Variants in FGD4 observed in about 807,000 individuals in gnomAD.
FGD4 encodes FYVE, RhoGEF and PH domain-containing protein 4.
Under a neutral mutation model 102.0 loss-of-function variants are expected in FGD4, and 42 were observed. The ratio of observed to expected loss-of-function variants is 0.41; its 90% CI spans 0.32 to 0.53. The LOEUF (loss-of-function observed/expected upper bound fraction) is 0.53, where lower values mean the gene tolerates loss of function less well. Ranked by LOEUF, FGD4 falls within the 20% of genes least tolerant of loss-of-function variation. The probability of loss-of-function intolerance (pLI) is 0.21; values close to 1 mark genes in which losing one functional copy is unlikely to be tolerated. For synonymous variants in FGD4, 380 were observed against 375.7 expected (o/e 1.01, Z -0.13); for missense variants, 902 against 1,078.2 (o/e 0.84, Z 2.29).
intron 1 of FGD4, among the ~76,000 whole-genome samples, chr12:32,410,612 C>G (rs1358179875): frequency 6.6e-6 from 1 of 152,190 alleles, no homozygotes; most frequent in East Asian, 1.9e-4. Flanking sequence ...CCACAGTCAA[C>G]TTTGTATTAT....
chr12:32,453,089 A>G (rs1384104001), intron 1 of FGD4, among the ~76,000 whole-genome samples: 3 of 150,826 alleles, frequency 2.0e-5, no homozygotes, highest in Non-Finnish European at 4.4e-5. Flanking sequence ...CCATTTACCC[A>G]TCATCCAGCT....
chr12:32,486,971 T>C (rs1359002576), intron 1 of FGD4, among the ~76,000 whole-genome samples: 1 of 152,168 alleles, frequency 6.6e-6, no homozygotes, highest in African/African-American at 2.4e-5. Context: ...GGCTATACTG[T>C]TTATGGATTT....
intron 4 of FGD4, among the ~76,000 whole-genome samples, chr12:32,593,089 C>G (rs1947611248): frequency 6.6e-6 from 1 of 152,074 alleles, no homozygotes; most frequent in African/African-American, 2.4e-5. Context: ...ACTCTGTGAC[C>G]TTGGGTAAGT....
intron 1 of FGD4, among the ~76,000 whole-genome samples, chr12:32,494,299 C>G (rs1937652784): frequency 6.6e-6 from 1 of 152,158 alleles, no homozygotes; most frequent in Admixed American, 6.5e-5. Flanking sequence ...TTTCTCCCTC[C>G]TTGGCCTCCC....
chr12:32,476,616 G>C (rs909236480), intron 1 of FGD4, among the ~76,000 whole-genome samples: 1 of 152,170 alleles, frequency 6.6e-6, no homozygotes, highest in Non-Finnish European at 1.5e-5. Flanking sequence ...CTCTAGCTAG[G>C]TGCAGGGCTA....
intron 1 of FGD4, among the ~76,000 whole-genome samples, chr12:32,455,035 A>G (rs1942912324): frequency 6.6e-6 from 1 of 152,208 alleles, no homozygotes; most frequent in Non-Finnish European, 1.5e-5. Flanking sequence ...ATGTGAATGC[A>G]TTGAGACTTG....
intron 15 of FGD4, among the ~76,000 whole-genome samples, chr12:32,636,877 T>TC (rs1950857327): frequency 1.3e-5 from 2 of 150,066 alleles, no homozygotes; most frequent in East Asian, 3.9e-4. Context: ...TTTTTTCTTT[T>TC]TTTTTTTTTT....
At chr12:32,639,761 G>A (rs1460804010) in intron 16 of FGD4, among the ~76,000 whole-genome samples, 1 of 152,124 alleles carries the variant, frequency 6.6e-6, no homozygotes, top group African/African-American at 2.4e-5. Context: ...TATACCTGTT[G>A]TATTTCAGTC....
intron 4 of FGD4, among the ~76,000 whole-genome samples, chr12:32,597,204 A>G (rs1947980292): frequency 6.6e-6 from 1 of 152,234 alleles, no homozygotes; most frequent in Non-Finnish European, 1.5e-5. Context: ...ACAGCAATAC[A>G]GAAGGTAAAT....
chr12:32,480,616 T>C (rs1943722076), intron 1 of FGD4, among the ~76,000 whole-genome samples: 1 of 151,846 alleles, frequency 6.6e-6, no homozygotes, highest in Non-Finnish European at 1.5e-5. Flanking sequence ...TTCTCCTGCC[T>C]CAGCCTTCCG....
chr12:32,504,808 C>T (rs1041291901), intron 1 of FGD4, among the ~76,000 whole-genome samples: 1 of 152,226 alleles, frequency 6.6e-6, no homozygotes, highest in Non-Finnish European at 1.5e-5. Flanking sequence ...AGCATTAGTT[C>T]AGCATACGCA....
chr12:32,640,757 T>G lies in FGD4; in HGVS notation c.*224T>G. ...ATAATGTGAAAACTGGAGCATTTTT[T>G]GAGCTATTCCTTGAATATGTGCTTT... On this transcript the variant is annotated 3_prime_UTR_variant, in exon 17 of 17. Coordinates refer to ENST00000534526, the MANE Select transcript of FGD4 (RefSeq NM_001370298.3). 1.5e-6 allele frequency: 1 copy of G among 652,164 alleles called. No homozygotes were observed. The allele number at this position is 652,164 out of a possible 1,614,324, so 40.4% of individuals were successfully genotyped here. A position where few individuals can be genotyped will look rare whatever the true frequency, so the allele number is the denominator to read the frequency against.
intron 10 of FGD4, 57 bp downstream of exon 10, chr12:32,611,340 G>T: frequency 6.2e-7 from 1 of 1,600,376 alleles, no homozygotes; most frequent in South Asian, 1.1e-5. Context: ...ATATGGCTGG[G>T]CACGGTGGCT....
At chr12:32,536,649 T>C (rs1478280204) in intron 1 of FGD4, among the ~76,000 whole-genome samples, 1 of 152,188 alleles carries the variant, frequency 6.6e-6, no homozygotes, top group Non-Finnish European at 1.5e-5. Context: ...CCCTGGCGAA[T>C]TGACACAAGT....
At chr12:32,485,876 C>T (rs1278387875) in intron 1 of FGD4, 1 of 1,243,214 alleles carries the variant, frequency 8.0e-7, no homozygotes, top group East Asian at 3.2e-5. Flanking sequence ...TTTGAAACAC[C>T]TTCGTGGAAT....
intron 1 of FGD4, among the ~76,000 whole-genome samples, chr12:32,516,767 A>G (rs956134229): frequency 1.3e-5 from 2 of 152,214 alleles, no homozygotes; most frequent in Admixed American, 6.5e-5. Flanking sequence ...TTGTTTGTAA[A>G]TGATAAGAAT....
At chr12:32,428,836 T>A (rs1182328698) in intron 1 of FGD4, among the ~76,000 whole-genome samples, 2 of 152,238 alleles carry the variant, frequency 1.3e-5, no homozygotes, top group Non-Finnish European at 2.9e-5. Flanking sequence ...ATACTTGTTA[T>A]GCTTCACAAA....
chr12:32,571,587 T>C (rs927917313), intron 2 of FGD4, among the ~76,000 whole-genome samples: 4 of 152,170 alleles, frequency 2.6e-5, no homozygotes, highest in African/African-American at 4.8e-5. Flanking sequence ...GCAACCCTGG[T>C]TGTAAAATAT....
chr12:32,624,341 A>G (rs1052297233), intron 11 of FGD4, 81 bp from the exon 12 acceptor site: 6 of 1,138,330 alleles, frequency 5.3e-6, no homozygotes, highest in Non-Finnish European at 7.7e-6. Context: ...GAAAGTTGGA[A>G]CAACAGGAAA....
Sources: gnomAD v4.1 joint callset for allele counts (sites outside exome capture counted in the v4.1 genomes callset) on GRCh38, gnomAD v4.1.1 for gene constraint, MANE v1.5 for transcripts, NCBI Gene and HGNC (gene_info 2026-07-23, HGNC 2026-07-21) for gene names.